The following PFKFB2 variants were observed in gnomAD, a reference collection of about 807,000 sequenced individuals.
PFKFB2 encodes 6-phosphofructo-2-kinase/fructose-2,6-biphosphatase 2, also known as 6-phosphofructo-2-kinase/fructose-2,6-bisphosphatase 2.
Under a neutral mutation model 68.0 loss-of-function variants are expected in PFKFB2, and 53 were observed. That is an observed-to-expected ratio of 0.78 (90% CI 0.63 to 0.98). The LOEUF (loss-of-function observed/expected upper bound fraction) is 0.98. Ranked by LOEUF, PFKFB2 falls within the 50% of genes least tolerant of loss-of-function variation. PFKFB2 has a pLI of 0.00. For missense variants in PFKFB2, 451 were observed against 642.0 expected (o/e 0.70, Z 3.22); for synonymous variants, 222 against 227.6 (o/e 0.98, Z 0.22).
intron 1 of PFKFB2, chr1:207,035,213 C>G: frequency 2.0e-6 from 2 of 985,618 alleles, no homozygotes; most frequent in Non-Finnish European, 2.4e-6. Flanking sequence ...GTGGTCATCT[C>G]TTTGACTGTC....
intron 2 of PFKFB2, chr1:207,044,677 T>C (rs891505709): frequency 6.6e-6 from 1 of 152,376 alleles, no homozygotes; most frequent in Non-Finnish European, 1.5e-5. Flanking sequence ...CTACATTCTA[T>C]GACAAGAAAT....
At chr1:207,068,908 G>A (rs974113653) in intron 10 of PFKFB2, among the ~76,000 whole-genome samples, 1 of 151,980 alleles carries the variant, frequency 6.6e-6, no homozygotes, top group Non-Finnish European at 1.5e-5. Flanking sequence ...CACCACGCCT[G>A]GCTAATTTTT....
chr1:207,051,009 G>C, upstream of PFKFB2: 1 of 1,515,772 alleles, frequency 6.6e-7, no homozygotes, highest in Non-Finnish European at 8.8e-7. Context: ...CCAAAATGGC[G>C]ACCTTTAGCG....
At chr1:207,066,474 C>T (rs1008843064) in intron 8 of PFKFB2, among the ~76,000 whole-genome samples, 2 of 152,142 alleles carry the variant, frequency 1.3e-5, no homozygotes, top group African/African-American at 4.8e-5. Context: ...TGAAAACCAC[C>T]TCTAGATATG....
At position 207,072,798 on chromosome 1, in the gene PFKFB2, C is replaced by T. The variant is rs1396173436; in HGVS notation, c.*427C>T. 2 of 995,852 alleles carry T rather than the reference C, an allele frequency of 2.0e-6. No homozygotes were observed. Among genetic ancestry groups the T allele is most frequent in the African/African-American group, 1.7e-5 (1 of 57,438 alleles). 61.7% of individuals were successfully genotyped at this position (995,852 alleles called of 1,614,324 possible). On this transcript the variant is annotated 3_prime_UTR_variant, in exon 15 of 15. Coordinates refer to ENST00000367080, the MANE Select transcript of PFKFB2 (RefSeq NM_006212.2). ...TCGGGGGACAAAAAGTCTATTTTTC[C>T]TTCACTTTTGTCTCTTCAATGTGTG...
In PFKFB2 at chr1:207,070,142, G is replaced by C. The variant is rs768355597; in HGVS notation, c.1093-138G>C. ...CCAGGGCTGGGGGCAGTTAGCAGGT[G>C]ATGTAAACTCACTGAGCCTCCAGGA... On this transcript the variant is annotated intron_variant, in intron 11 of 14. Coordinates refer to ENST00000367080, the MANE Select transcript of PFKFB2 (RefSeq NM_006212.2). The surrounding 1 kb of genome is among the most constrained non-coding windows in gnomAD (Gnocchi z 4.2). The C allele has an allele frequency of 1.1e-6, 1 of 895,312 alleles. No homozygotes were observed. The highest frequency in any genetic ancestry group is 2.5e-5 in the Admixed American group (1 of 39,978). 55.5% of individuals were successfully genotyped at this position (895,312 alleles called of 1,614,324 possible).
In PFKFB2 at chr1:207,072,445, C is replaced by T; in HGVS notation, c.*74C>T. 6.5e-7 allele frequency: 1 copy of T among 1,547,182 alleles called. No homozygotes were observed. The highest frequency in any genetic ancestry group is 8.7e-7 in the Non-Finnish European group (1 of 1,149,908). ...CAGCCCTGGCCTCCTGCCCTTGTCA[C>T]TAATCACCAAGGAGTCATTAACTTC... On this transcript the variant is annotated 3_prime_UTR_variant, in exon 15 of 15. Coordinates refer to ENST00000367080, the MANE Select transcript of PFKFB2 (RefSeq NM_006212.2).
intron 1 of PFKFB2, among the ~76,000 whole-genome samples, chr1:207,036,138 G>C (rs1185593093): frequency 6.6e-6 from 1 of 152,070 alleles, no homozygotes; most frequent in African/African-American, 2.4e-5. Flanking sequence ...CCTCCCACTA[G>C]GTCCACCTCC....
At chr1:207,079,340 T>C (rs1196867516), downstream of PFKFB2, 4 of 387,786 alleles carry the variant, frequency 1.0e-5, no homozygotes, top group African/African-American at 4.1e-5. Context: ...TACCTGTGAC[T>C]GTCTGCATCC....
At chr1:207,077,882 T>A, downstream of PFKFB2, 1 of 829,626 alleles carries the variant, frequency 1.2e-6, no homozygotes, top group African/African-American at 1.8e-5. Context: ...TCCCCACCCC[T>A]AAAACTTTGC....
At chr1:207,049,323 A>C (rs767288976), upstream of PFKFB2, 2 of 1,614,104 alleles carry the variant, frequency 1.2e-6, no homozygotes. Context: ...CTTCCCCAAA[A>C]CGATCAATTC....
intron 2 of PFKFB2, among the ~76,000 whole-genome samples, chr1:207,056,160 C>T (rs1189474712): frequency 2.0e-5 from 3 of 151,988 alleles, no homozygotes; most frequent in Non-Finnish European, 2.9e-5. Flanking sequence ...TGTAGGAAGG[C>T]GCTTAGAAGA....
intron 8 of PFKFB2, among the ~76,000 whole-genome samples, chr1:207,065,719 T>A (rs1291845228): frequency 6.6e-6 from 1 of 152,184 alleles, no homozygotes; most frequent in East Asian, 1.9e-4. Flanking sequence ...ATCTCAGTAT[T>A]ATTGGCACTT....
upstream of PFKFB2, chr1:207,049,555 C>G (rs1682682653): frequency 1.9e-6 from 3 of 1,614,076 alleles, no homozygotes; most frequent in Non-Finnish European, 2.5e-6. Context: ...CAAGACTCCT[C>G]CTTCGACGAC....
chr1:207,036,572 C>A (rs1682381419), intron 1 of PFKFB2, among the ~76,000 whole-genome samples: 1 of 152,220 alleles, frequency 6.6e-6, no homozygotes. Flanking sequence ...CATATAACAA[C>A]TTTGTCACCA....
chr1:207,068,092 T>TTG, intron 9 of PFKFB2, 71 bp from the exon 10 acceptor site: 1 of 781,544 alleles, frequency 1.3e-6, no homozygotes, highest in Non-Finnish European at 1.9e-6. Context: ...TATGTGTGTG[T>TTG]TGAGTGTGTG....
intron 2 of PFKFB2, among the ~76,000 whole-genome samples, chr1:207,059,574 T>C (rs953394864): frequency 1.3e-5 from 2 of 152,168 alleles, no homozygotes; most frequent in Non-Finnish European, 2.9e-5. Flanking sequence ...AAATCACTTA[T>C]GTTGCTCCTT....
upstream of PFKFB2, chr1:207,049,453 G>C (rs773743947): frequency 6.2e-7 from 1 of 1,613,986 alleles, no homozygotes; most frequent in Non-Finnish European, 8.5e-7. Context: ...CTCTTGATTT[G>C]TTTTTCCCAG....
At chr1:207,058,612 T>A (rs2808455) in intron 2 of PFKFB2, among the ~76,000 whole-genome samples, 22 of 152,316 alleles carry the variant, frequency 1.4e-4, no homozygotes, top group Middle Eastern at 3.4e-3. Flanking sequence ...ATCTTTTTTT[T>A]AAAATACATT....
Sources: allele counts gnomAD v4.1 joint callset (sites outside exome capture counted in the v4.1 genomes callset), GRCh38; gene constraint gnomAD v4.1.1; non-coding constraint Gnocchi (gnomAD v3.1); transcripts MANE v1.5; gene names NCBI Gene and HGNC (gene_info 2026-07-23, HGNC 2026-07-21).